The following ARL15 variants were observed in gnomAD, a reference collection of about 807,000 sequenced individuals.
The protein encoded by ARL15 is ARF like GTPase 15.
A neutral mutation model predicts 25.2 loss-of-function variants in ARL15; 19 were observed. The ratio of observed to expected loss-of-function variants is 0.75; its 90% CI spans 0.53 to 1.10. The LOEUF (loss-of-function observed/expected upper bound fraction) is 1.10. ARL15 is among the 50% of genes least tolerant of loss of function. ARL15 has a pLI of 0.00. For missense variants in ARL15, 220 were observed against 246.0 expected (o/e 0.89, Z 0.71); for synonymous variants, 94 against 86.8 (o/e 1.08, Z -0.46).
chr5:54,262,086 G>A (rs906640459), intron 1 of ARL15, among the ~76,000 whole-genome samples: 4 of 152,044 alleles, frequency 2.6e-5, no homozygotes, highest in African/African-American at 7.2e-5. Flanking sequence ...GAAGGATCTG[G>A]TATCTCAACC....
chr5:54,091,008 A>G (rs528509426), intron 4 of ARL15, among the ~76,000 whole-genome samples: 1 of 152,066 alleles, frequency 6.6e-6, no homozygotes, highest in South Asian at 2.1e-4. Context: ...GAGTTTCTCC[A>G]GATTAAATTT....
At chr5:54,199,374 G>T (rs926615937) in intron 1 of ARL15, among the ~76,000 whole-genome samples, 18 of 151,380 alleles carry the variant, frequency 1.2e-4, no homozygotes, top group African/African-American at 4.4e-4. Context: ...CACAAAATGG[G>T]AGAAAATTTT....
At chr5:54,128,919 A>C (rs1753350434) in intron 3 of ARL15, among the ~76,000 whole-genome samples, 1 of 151,968 alleles carries the variant, frequency 6.6e-6, no homozygotes, top group South Asian at 2.1e-4. Flanking sequence ...GTTAGCCAGG[A>C]CGGTCTCGAT....
intron 1 of ARL15, among the ~76,000 whole-genome samples, chr5:54,237,464 C>T (rs1437403459): frequency 6.6e-6 from 1 of 152,122 alleles, no homozygotes. Flanking sequence ...TTAATAGAAA[C>T]AGCATGCTGA....
intron 4 of ARL15, among the ~76,000 whole-genome samples, chr5:54,060,797 T>C (rs1188537995): frequency 6.6e-6 from 1 of 152,176 alleles, no homozygotes. Flanking sequence ...TTGTGGAACT[T>C]TGAACTTGAG....
intron 4 of ARL15, among the ~76,000 whole-genome samples, chr5:54,007,122 C>T (rs1231730499): frequency 6.6e-6 from 1 of 152,064 alleles, no homozygotes; most frequent in Non-Finnish European, 1.5e-5. Context: ...TTCTGCCTTG[C>T]TTGATTTCAT....
At chr5:54,229,306 T>C (rs1014285781) in intron 1 of ARL15, among the ~76,000 whole-genome samples, 4 of 152,200 alleles carry the variant, frequency 2.6e-5, no homozygotes, top group African/African-American at 9.7e-5. Context: ...CTCTAGCAGT[T>C]ACAACATGCA....
chr5:54,009,607 CTT>C (rs1749167447), intron 4 of ARL15, among the ~76,000 whole-genome samples: 1 of 152,206 alleles, frequency 6.6e-6, no homozygotes, highest in South Asian at 2.1e-4. Flanking sequence ...TGCACAAACT[CTT>C]TTGTCTTCAG....
intron 1 of ARL15, among the ~76,000 whole-genome samples, chr5:54,303,720 AAAG>A (rs1758675244): frequency 6.7e-6 from 1 of 149,798 alleles, no homozygotes; most frequent in Admixed American, 6.7e-5. Flanking sequence ...GAGAGGAAAA[AAAG>A]AAGAAAAAGG....
At chr5:54,191,111 G>T (rs78621844) in intron 1 of ARL15, among the ~76,000 whole-genome samples, 31 of 152,076 alleles carry the variant, frequency 2.0e-4, no homozygotes, top group Admixed American at 5.9e-4. Context: ...ACATATAATC[G>T]ATTACTATTT....
chr5:54,185,388 C>T (rs1457543952), intron 1 of ARL15, among the ~76,000 whole-genome samples: 1 of 152,184 alleles, frequency 6.6e-6, no homozygotes, highest in East Asian at 1.9e-4. Flanking sequence ...CTTCTCCAAA[C>T]TCCCTGAGTA....
intron 1 of ARL15, among the ~76,000 whole-genome samples, chr5:54,295,090 G>A (rs1029585209): frequency 1.3e-5 from 2 of 152,100 alleles, no homozygotes; most frequent in African/African-American, 4.8e-5. Flanking sequence ...TAAGCAACTT[G>A]TTTCATTATA....
At chr5:54,301,948 G>A (rs1022796180) in intron 1 of ARL15, among the ~76,000 whole-genome samples, 3 of 152,234 alleles carry the variant, frequency 2.0e-5, no homozygotes, top group African/African-American at 4.8e-5. Context: ...CTTTTCAGAT[G>A]GTGAGCTACT....
chr5:54,179,086 A>T (rs1754972847), intron 1 of ARL15, among the ~76,000 whole-genome samples: 1 of 152,220 alleles, frequency 6.6e-6, no homozygotes, highest in Admixed American at 6.5e-5. Context: ...GCCTACGTGG[A>T]ACAGGATTCA....
At chr5:54,066,046 A>G (rs1409791970) in intron 4 of ARL15, among the ~76,000 whole-genome samples, 1 of 152,186 alleles carries the variant, frequency 6.6e-6, no homozygotes, top group Admixed American at 6.5e-5. Context: ...TTTTAAATAC[A>G]TTATTTCTAG....
intron 4 of ARL15, among the ~76,000 whole-genome samples, chr5:54,052,269 T>C (rs1750725527): frequency 6.6e-6 from 1 of 152,116 alleles, no homozygotes; most frequent in Non-Finnish European, 1.5e-5. Flanking sequence ...TAAATCTCAA[T>C]GTATGCAAAT....
intron 3 of ARL15, among the ~76,000 whole-genome samples, chr5:54,118,886 T>C (rs1752988637): frequency 6.6e-6 from 1 of 152,198 alleles, no homozygotes; most frequent in South Asian, 2.1e-4. Flanking sequence ...TAAAACAAAG[T>C]TCTACGTACC....
rs1215832223 is a variant in ARL15, at chr5:54,131,394, C to T, written c.254-17984G>A. On this transcript the variant is annotated intron_variant, in intron 3 of 4. Coordinates refer to ENST00000504924, the MANE Select transcript of ARL15 (RefSeq NM_019087.3). ...GTTGCCTCTGGTTTGAATTTCTCCT[C>T]CTCCTGGGGATCTACTTTTTCCCTA... is the stretch of plus-strand genomic sequence containing the variant. Among the ~76,000 whole-genome samples, 3 of 152,186 alleles carry T rather than the reference C, an allele frequency of 2.0e-5. No individual in the cohort carries two copies. In the East Asian group the frequency reaches 5.8e-4, roughly 29 times the overall value.
At chr5:54,125,532 C>A (rs138582656) in intron 3 of ARL15, among the ~76,000 whole-genome samples, 1 of 152,128 alleles carries the variant, frequency 6.6e-6, no homozygotes, top group Non-Finnish European at 1.5e-5. Context: ...AATAATATTC[C>A]ATTGCATGGA....
Sources: allele counts gnomAD v4.1 joint callset (sites outside exome capture counted in the v4.1 genomes callset), GRCh38; gene constraint gnomAD v4.1.1; transcripts MANE v1.5; gene names NCBI Gene and HGNC (gene_info 2026-07-23, HGNC 2026-07-21).